The following HS6ST3 variants were observed in gnomAD, a reference collection of about 807,000 sequenced individuals.
The protein encoded by HS6ST3 is heparan sulfate 6-O-sulfotransferase 3, also known as heparan-sulfate 6-O-sulfotransferase 3.
Under a neutral mutation model 36.7 loss-of-function variants are expected in HS6ST3, and 12 were observed. That is an observed-to-expected ratio of 0.33 (90% confidence interval 0.21 to 0.53). The LOEUF (loss-of-function observed/expected upper bound fraction) is 0.53, where lower values mean the gene tolerates loss of function less well. HS6ST3 is among the 20% of genes least tolerant of loss of function. HS6ST3 has a pLI of 0.95. For synonymous variants in HS6ST3, 240 were observed against 257.5 expected (o/e 0.93, Z 0.65); for missense variants, 584 against 640.9 (o/e 0.91, Z 0.96).
rs146948552 is a variant in HS6ST3 at position 96,173,227 on chromosome 13, G to A, written c.707+81658G>A. 1.5e-4 allele frequency among the ~76,000 whole-genome samples: 23 copies of A among 152,234 alleles called. No individual in the cohort carries two copies. The East Asian group carries it at 4.0e-3, about 27-fold the overall frequency. On this transcript the variant is annotated intron_variant, in intron 1 of 1. Transcript: ENST00000376705. The stretch of plus-strand genomic sequence containing the variant: ...TCAGGGATGTATCTCTGTAAACTAG[G>A]TGTGATTATCATCATTTTACAGAAG...
intron 1 of HS6ST3, among the ~76,000 whole-genome samples, chr13:96,555,600 C>G (rs1254861963): frequency 2.0e-5 from 3 of 152,088 alleles, no homozygotes; most frequent in African/African-American, 7.2e-5. Context: ...ACAACATGCT[C>G]TTGTTGTTAG....
intron 1 of HS6ST3, among the ~76,000 whole-genome samples, chr13:96,301,709 T>C (rs1306526382): frequency 2.0e-5 from 3 of 151,924 alleles, no homozygotes; most frequent in Non-Finnish European, 4.4e-5. Context: ...CTGGCCAACA[T>C]AGTGAAATCC....
intron 1 of HS6ST3, among the ~76,000 whole-genome samples, chr13:96,459,668 A>C (rs1282097565): frequency 6.6e-6 from 1 of 152,176 alleles, no homozygotes; most frequent in Non-Finnish European, 1.5e-5. Context: ...TATTTCAACA[A>C]TTCTTGGTAC....
At chr13:96,406,551 C>T (rs1393865695) in intron 1 of HS6ST3, among the ~76,000 whole-genome samples, 1 of 152,206 alleles carries the variant, frequency 6.6e-6, no homozygotes, top group Non-Finnish European at 1.5e-5. Context: ...AACCAGGGAG[C>T]TGTTCAGCTT....
At chr13:96,509,954 A>G (rs1187063119) in intron 1 of HS6ST3, among the ~76,000 whole-genome samples, 1 of 152,044 alleles carries the variant, frequency 6.6e-6, no homozygotes, top group Non-Finnish European at 1.5e-5. Context: ...TTTTTACACT[A>G]TTGATTCTCC....
chr13:96,519,975 G>A (rs145648564), intron 1 of HS6ST3, among the ~76,000 whole-genome samples: 71 of 152,184 alleles, frequency 4.7e-4, no homozygotes, highest in African/African-American at 1.7e-3. Flanking sequence ...CTAAACTAAT[G>A]GTTGTCTTTA....
intron 1 of HS6ST3, among the ~76,000 whole-genome samples, chr13:96,831,908 T>C (rs1878793673): frequency 7.5e-6 from 1 of 133,162 alleles, no homozygotes; most frequent in African/African-American, 3.0e-5. Context: ...TGAGCTGAGA[T>C]TGTGCCACTG....
chr13:96,395,546 A>G lies in HS6ST3; in HGVS notation c.707+303977A>G, dbSNP rs147392074. On this transcript the variant is annotated intron_variant, in intron 1 of 1. Coordinates refer to ENST00000376705, the MANE Select transcript of HS6ST3 (RefSeq NM_153456.4). ...GAAACGCCTACCAGCACATTCAGAG[A>G]TGGCTTTGAATGCTGACTTAGATAA... is the stretch of plus-strand genomic sequence containing the variant. 9.2e-5 allele frequency among the ~76,000 whole-genome samples: 14 copies of G among 152,164 alleles called. No homozygotes were observed. In the East Asian group the frequency reaches 2.5e-3, roughly 27 times the overall value.
At chr13:96,796,757 A>T (rs149644588) in intron 1 of HS6ST3, among the ~76,000 whole-genome samples, 1 of 152,062 alleles carries the variant, frequency 6.6e-6, no homozygotes, top group Non-Finnish European at 1.5e-5. Flanking sequence ...TGTAACAGTT[A>T]TTCAGGAAGC....
intron 1 of HS6ST3, among the ~76,000 whole-genome samples, chr13:96,470,994 T>C (rs1457151031): frequency 6.6e-6 from 1 of 152,250 alleles, no homozygotes; most frequent in Non-Finnish European, 1.5e-5. Context: ...TATTCTTTTG[T>C]CTGACCTATT....
At chr13:96,823,842 A>G (rs577313588) in intron 1 of HS6ST3, among the ~76,000 whole-genome samples, 1 of 152,112 alleles carries the variant, frequency 6.6e-6, no homozygotes, top group East Asian at 1.9e-4. Context: ...CTGGTTTTGA[A>G]CTGACCTCAA....
intron 1 of HS6ST3, among the ~76,000 whole-genome samples, chr13:96,332,633 A>C (rs927653791): frequency 5.9e-5 from 9 of 152,216 alleles, no homozygotes; most frequent in Non-Finnish European, 1.2e-4. Flanking sequence ...CTCATTTGAA[A>C]AAGTACTGCT....
At chr13:96,533,302 T>A (rs1157890165) in intron 1 of HS6ST3, among the ~76,000 whole-genome samples, 2 of 152,186 alleles carry the variant, frequency 1.3e-5, no homozygotes, top group Non-Finnish European at 2.9e-5. Context: ...GCCCTCCACA[T>A]TTATTTACTT....
At chr13:96,156,326 T>C (rs544558257) in intron 1 of HS6ST3, among the ~76,000 whole-genome samples, 1 of 152,306 alleles carries the variant, frequency 6.6e-6, no homozygotes, top group South Asian at 2.1e-4. Flanking sequence ...TCCTGCTTCT[T>C]ACAGTGCAGA....
At chr13:96,667,935 T>G (rs879533048) in intron 1 of HS6ST3, among the ~76,000 whole-genome samples, 1 of 152,172 alleles carries the variant, frequency 6.6e-6, no homozygotes, top group Non-Finnish European at 1.5e-5. Context: ...AGTCTATGAC[T>G]GGAGGGAAAA....
intron 1 of HS6ST3, among the ~76,000 whole-genome samples, chr13:96,676,803 G>T (rs2056700338): frequency 1.3e-5 from 2 of 152,080 alleles, no homozygotes; most frequent in South Asian, 4.1e-4. Context: ...TCATCTGTAA[G>T]ATCCATTACT....
intron 1 of HS6ST3, among the ~76,000 whole-genome samples, chr13:96,745,234 C>T (rs1484571907): frequency 1.3e-5 from 2 of 152,076 alleles, no homozygotes; most frequent in African/African-American, 4.8e-5. Flanking sequence ...TTTTCTAATG[C>T]ACCTTCTAGA....
intron 1 of HS6ST3, among the ~76,000 whole-genome samples, chr13:96,388,022 G>A (rs1356943815): frequency 6.6e-6 from 1 of 152,130 alleles, no homozygotes; most frequent in Admixed American, 6.6e-5. Flanking sequence ...AACTTTGATG[G>A]CCTTTAAACT....
At chr13:96,734,006 G>C (rs570463853) in intron 1 of HS6ST3, among the ~76,000 whole-genome samples, 27 of 152,298 alleles carry the variant, frequency 1.8e-4, no homozygotes, top group African/African-American at 6.5e-4. Context: ...AGAGCAGCCA[G>C]ATTTAGCTTT....
Sources: gnomAD v4.1 joint callset for allele counts (sites outside exome capture counted in the v4.1 genomes callset) on GRCh38, gnomAD v4.1.1 for gene constraint, MANE v1.5 for transcripts, NCBI Gene and HGNC (gene_info 2026-07-23, HGNC 2026-07-21) for gene names.